Variants in NTRK3 observed in about 807,000 individuals in gnomAD.
NTRK3 encodes NT-3 growth factor receptor.
Under a neutral mutation model 91.7 loss-of-function variants are expected in NTRK3, and 24 were observed. That is an observed-to-expected ratio of 0.26 (90% CI 0.19 to 0.37). The LOEUF is 0.37. Among genes scored for constraint, NTRK3 ranks in the 10% least tolerant of loss-of-function variants. The pLI, the probability that NTRK3 is intolerant of heterozygous loss-of-function variation, is 1.00. For missense variants in NTRK3, 880 were observed against 1,068.9 expected, an observed-to-expected ratio of 0.82 and a Z score of 2.46; for synonymous variants, 483 against 404.0, an observed-to-expected ratio of 1.20 and a Z score of -2.34.
intron 13 of NTRK3, among the ~76,000 whole-genome samples, chr15:88,076,411 C>A (rs2047548900): frequency 6.6e-6 from 1 of 152,138 alleles, no homozygotes; most frequent in Non-Finnish European, 1.5e-5. Flanking sequence ...CATATCAGAG[C>A]AGATTAAGTG....
intron 5 of NTRK3, among the ~76,000 whole-genome samples, chr15:88,177,281 T>C (rs1186528212): frequency 2.0e-5 from 3 of 152,204 alleles, no homozygotes; most frequent in South Asian, 2.1e-4. Flanking sequence ...CGGATTTATA[T>C]GTTTAAAATA....
chr15:88,174,970 G>C (rs16941391), intron 5 of NTRK3, among the ~76,000 whole-genome samples: 2,586 of 152,326 alleles, frequency 0.017, 61 homozygotes, highest in African/African-American at 0.059. Context: ...ACTTAAATTA[G>C]AGGAGGTTCA....
chr15:88,217,858 C>A (rs4887387), intron 3 of NTRK3, among the ~76,000 whole-genome samples: 125,108 of 151,436 alleles, frequency 0.83, 52,405 homozygotes, highest in East Asian at 0.98. Context: ...TCCCGGGTTC[C>A]CGCCATTCTC....
intron 14 of NTRK3, among the ~76,000 whole-genome samples, chr15:87,952,115 A>C (rs1052548453): frequency 6.6e-6 from 1 of 152,048 alleles, no homozygotes; most frequent in African/African-American, 2.4e-5. Flanking sequence ...CAACAGAGCA[A>C]GATTCCATTT....
chr15:88,250,907 C>T (rs2053283003), intron 3 of NTRK3, among the ~76,000 whole-genome samples: 1 of 152,184 alleles, frequency 6.6e-6, no homozygotes, highest in Non-Finnish European at 1.5e-5. Flanking sequence ...AAATAATTTG[C>T]AATAGAAGTT....
At chr15:87,935,593 C>G (rs2069201450) in intron 15 of NTRK3, among the ~76,000 whole-genome samples, 2 of 151,702 alleles carry the variant, frequency 1.3e-5, no homozygotes, top group Non-Finnish European at 2.9e-5. Context: ...GGGGAAAAAA[C>G]TGAACCCAGC....
chr15:88,003,526 A>C (rs1423992821), intron 14 of NTRK3, among the ~76,000 whole-genome samples: 1 of 152,182 alleles, frequency 6.6e-6, no homozygotes, highest in Non-Finnish European at 1.5e-5. Flanking sequence ...GAACTATGGC[A>C]TAGAGAGAGG....
intron 5 of NTRK3, among the ~76,000 whole-genome samples, chr15:88,147,744 G>C (rs1401887835): frequency 6.6e-6 from 1 of 152,070 alleles, no homozygotes; most frequent in Non-Finnish European, 1.5e-5. Context: ...CCTTCTCTAA[G>C]AGGACAGGGA....
intron 4 of NTRK3, among the ~76,000 whole-genome samples, chr15:88,183,898 C>T (rs575181262): frequency 6.6e-6 from 1 of 152,286 alleles, no homozygotes; most frequent in Admixed American, 6.5e-5. Context: ...CTCCATGGGG[C>T]TCATCAGTCA....
intron 17 of NTRK3, chr15:87,926,709 C>T (rs542840453): frequency 6.6e-6 from 1 of 152,262 alleles, no homozygotes; most frequent in South Asian, 2.1e-4. Flanking sequence ...AAACTAGTTT[C>T]AATAAATATT....
chr15:88,215,195 A>G (rs571986653), intron 3 of NTRK3, among the ~76,000 whole-genome samples: 2 of 152,312 alleles, frequency 1.3e-5, no homozygotes, highest in South Asian at 2.1e-4. Flanking sequence ...GGCAATGGCA[A>G]TTCATCAGAG....
At chr15:87,908,467 C>G (rs1328090255) in intron 17 of NTRK3, 1 of 400,022 alleles carries the variant, frequency 2.5e-6, no homozygotes, top group Non-Finnish European at 4.4e-6. Flanking sequence ...CCCCTGGCCC[C>G]AGAAATCAAA....
chr15:87,875,845 C>A (rs2064932314), exon 19 of NTRK3: 2 of 232,360 alleles, frequency 8.6e-6, no homozygotes, highest in Middle Eastern at 1.3e-3. Context: ...TCTAGGGAAG[C>A]AGGATGAGAA....
At chr15:88,254,539 C>T (rs755500820) in intron 3 of NTRK3, among the ~76,000 whole-genome samples, 3 of 152,112 alleles carry the variant, frequency 2.0e-5, no homozygotes, top group East Asian at 1.9e-4. Context: ...GCTGCGAGAG[C>T]GCAAGCAGAA....
intron 13 of NTRK3, among the ~76,000 whole-genome samples, chr15:88,121,730 G>A (rs554008434): frequency 6.6e-6 from 1 of 152,130 alleles, no homozygotes; most frequent in African/African-American, 2.4e-5. Flanking sequence ...GGACCTCCAG[G>A]GCCCTGCTCC....
At chr15:87,945,148 G>A (rs1168700051) in intron 14 of NTRK3, among the ~76,000 whole-genome samples, 1 of 152,194 alleles carries the variant, frequency 6.6e-6, no homozygotes, top group Non-Finnish European at 1.5e-5. Context: ...CAAAAAAGGG[G>A]CTGCTGGAGA....
chr15:88,194,096 C>T (rs947620452), intron 3 of NTRK3, among the ~76,000 whole-genome samples: 17 of 152,224 alleles, frequency 1.1e-4, no homozygotes, highest in South Asian at 8.3e-4. Context: ...GCATTTTACC[C>T]TGTTAACCAC....
chr15:87,898,694 AG>A (rs2066273026), intron 17 of NTRK3, among the ~76,000 whole-genome samples: 1 of 152,034 alleles, frequency 6.6e-6, no homozygotes, highest in Non-Finnish European at 1.5e-5. Context: ...TCCTTGAATC[AG>A]GGATTCTAGG....
intron 3 of NTRK3, among the ~76,000 whole-genome samples, chr15:88,232,571 C>T (rs2051304362): frequency 6.6e-6 from 1 of 152,130 alleles, no homozygotes; most frequent in Admixed American, 6.5e-5. Flanking sequence ...GCCATTTGCT[C>T]ATTGGTCATT....
Sources: gnomAD v4.1 joint callset for allele counts (sites outside exome capture counted in the v4.1 genomes callset) on GRCh38, gnomAD v4.1.1 for gene constraint, MANE v1.5 for transcripts, NCBI Gene and HGNC (gene_info 2026-07-23, HGNC 2026-07-21) for gene names.